SLC35F3: variants seen among roughly 807,000 people sequenced by gnomAD.
SLC35F3 encodes solute carrier family 35 member F3.
In SLC35F3, 25 loss-of-function variants were observed where a neutral mutation model predicts 49.9. The observed-to-expected ratio is 0.50, with a 90% confidence interval of 0.37 to 0.70. The LOEUF is 0.70. Ranked by LOEUF, SLC35F3 falls within the 30% of genes least tolerant of loss-of-function variation. SLC35F3 has a pLI of 0.00. For missense variants in SLC35F3, 525 were observed against 639.8 expected, an observed-to-expected ratio of 0.82 and a Z score of 1.94; for synonymous variants, 275 against 265.4, an observed-to-expected ratio of 1.04 and a Z score of -0.35.
intron 3 of SLC35F3, among the ~76,000 whole-genome samples, chr1:234,271,257 T>C (rs1192200602): frequency 1.3e-5 from 2 of 152,190 alleles, no homozygotes; most frequent in Non-Finnish European, 2.9e-5. Flanking sequence ...GGTTTATTCC[T>C]ATTGTTGTCA....
At chr1:234,263,150 G>A (rs368078900) in intron 3 of SLC35F3, among the ~76,000 whole-genome samples, 19 of 152,256 alleles carry the variant, frequency 1.2e-4, no homozygotes, top group African/African-American at 4.3e-4. Flanking sequence ...CTACCTGCAG[G>A]GGCCAAAACT....
chr1:234,224,562 G>T (rs1667258440), intron 2 of SLC35F3, among the ~76,000 whole-genome samples: 1 of 152,208 alleles, frequency 6.6e-6, no homozygotes, highest in Admixed American at 6.5e-5. Flanking sequence ...TCTGTCCTCT[G>T]CATACCTGAA....
chr1:233,922,211 C>T (rs1201108891), intron 2 of SLC35F3, among the ~76,000 whole-genome samples: 1 of 152,058 alleles, frequency 6.6e-6, no homozygotes, highest in Admixed American at 6.6e-5. Context: ...CCTTGAGGAA[C>T]CTCCACCTGT....
rs562878838 is a variant in SLC35F3 at position 234,139,677 on chromosome 1, C to T, written c.284-91740C>T. On this transcript the variant is annotated intron_variant, in intron 2 of 7. Coordinates refer to ENST00000366618, the MANE Select transcript of SLC35F3 (RefSeq NM_173508.4). ...AAAATAAGGGTGACTTGGCCCGGTG[C>T]GGTGTCTCACACCTGTAATCCCAGC... Among the ~76,000 whole-genome samples the T allele has an allele frequency of 1.9e-4, 29 of 152,104 alleles. 1 individual carries two copies. In the South Asian group the frequency reaches 3.5e-3, roughly 18 times the overall value.
chr1:233,907,525 T>G (rs1661796487), intron 2 of SLC35F3, among the ~76,000 whole-genome samples: 1 of 152,236 alleles, frequency 6.6e-6, no homozygotes, highest in South Asian at 2.1e-4. Context: ...CATTGAAATA[T>G]GAATAAAATC....
chr1:233,960,627 G>A (rs1662783771), intron 2 of SLC35F3, among the ~76,000 whole-genome samples: 1 of 152,158 alleles, frequency 6.6e-6, no homozygotes, highest in South Asian at 2.1e-4. Context: ...AACTTTTTAA[G>A]TTAGATCATT....
Position 234,092,735 on chromosome 1 carries a change from G to A in SLC35F3, c.284-138682G>A, listed in dbSNP as rs1032626379. Among the ~76,000 whole-genome samples, 5 of 152,218 alleles carry A rather than the reference G, an allele frequency of 3.3e-5. No individual in the cohort carries two copies. The East Asian group carries it at 7.7e-4, about 24-fold the overall frequency. ...TTTAAAAATTAGCTGGGCATGGTTG[G>A]TGCATGCCTATAGTCCCAGCTACTC... is the stretch of plus-strand genomic sequence containing the variant. On this transcript the variant is annotated intron_variant, in intron 2 of 7. Transcript: ENST00000366618.
At chr1:234,182,828 C>T (rs1357820101) in intron 2 of SLC35F3, among the ~76,000 whole-genome samples, 1 of 152,138 alleles carries the variant, frequency 6.6e-6, no homozygotes, top group Non-Finnish European at 1.5e-5. Flanking sequence ...TGAGATTGAG[C>T]ATATAGTGAA....
chr1:234,148,131 C>T (rs1216880916), intron 2 of SLC35F3, among the ~76,000 whole-genome samples: 1 of 152,194 alleles, frequency 6.6e-6, no homozygotes, highest in East Asian at 1.9e-4. Context: ...GTTATCCCTT[C>T]CTGTACACAC....
intron 2 of SLC35F3, among the ~76,000 whole-genome samples, chr1:234,026,698 C>A (rs960684625): frequency 2.0e-5 from 3 of 150,492 alleles, no homozygotes; most frequent in Non-Finnish European, 2.9e-5. Context: ...GCCTGGGCGA[C>A]AGAGCAAGAC....
chr1:234,030,666 C>G (rs960004460), intron 2 of SLC35F3, among the ~76,000 whole-genome samples: 1 of 152,154 alleles, frequency 6.6e-6, no homozygotes, highest in Non-Finnish European at 1.5e-5. Context: ...CATGAAATTG[C>G]TGATATTTGA....
At chr1:234,216,921 C>T (rs1667131272) in intron 2 of SLC35F3, among the ~76,000 whole-genome samples, 1 of 152,224 alleles carries the variant, frequency 6.6e-6, no homozygotes, top group Non-Finnish European at 1.5e-5. Flanking sequence ...AAAACCTGCT[C>T]TTGGTATGCC....
At chr1:234,203,405 T>C (rs1331675475) in intron 2 of SLC35F3, among the ~76,000 whole-genome samples, 1 of 152,228 alleles carries the variant, frequency 6.6e-6, no homozygotes, top group Non-Finnish European at 1.5e-5. Flanking sequence ...CCCTTTAAAC[T>C]ATTCTTAAGC....
chr1:234,129,135 G>A (rs866094504), intron 2 of SLC35F3, among the ~76,000 whole-genome samples: 1 of 152,166 alleles, frequency 6.6e-6, no homozygotes, highest in African/African-American at 2.4e-5. Context: ...AAGGCAAGTA[G>A]AAGAAGATAT....
chr1:233,953,417 T>A (rs1662641721), intron 2 of SLC35F3, among the ~76,000 whole-genome samples: 1 of 152,164 alleles, frequency 6.6e-6, no homozygotes. Context: ...CCTCTGAGAG[T>A]GAACTTAAAA....
intron 2 of SLC35F3, among the ~76,000 whole-genome samples, chr1:234,120,636 A>C (rs755190406): frequency 1.2e-4 from 19 of 152,232 alleles, no homozygotes; most frequent in Non-Finnish European, 1.3e-4. Flanking sequence ...CTGGCTTGAC[A>C]GTCGTTATCA....
chr1:233,946,139 A>G (rs1213408724), intron 2 of SLC35F3, among the ~76,000 whole-genome samples: 1 of 152,256 alleles, frequency 6.6e-6, no homozygotes, highest in Non-Finnish European at 1.5e-5. Flanking sequence ...CTGACCAGGA[A>G]GAAATACTTG....
At chr1:234,037,751 G>T (rs1449459453) in intron 2 of SLC35F3, among the ~76,000 whole-genome samples, 1 of 152,208 alleles carries the variant, frequency 6.6e-6, no homozygotes, top group Non-Finnish European at 1.5e-5. Flanking sequence ...GGTCATGCAT[G>T]TGCCTGCTAA....
rs188494069 is a variant in SLC35F3, at chr1:234,118,177, T to C, written c.284-113240T>C. Among the ~76,000 whole-genome samples the C allele has an allele frequency of 2.6e-3, 389 of 152,220 alleles. 2 individuals carry two copies. Among genetic ancestry groups the C allele is most frequent in the African/African-American group, 8.7e-3 (360 of 41,552 alleles). On this transcript the variant is annotated intron_variant, in intron 2 of 7. Coordinates refer to ENST00000366618, the MANE Select transcript of SLC35F3 (RefSeq NM_173508.4). ...AGCAATTCCAAGATACTGCTTCCTG[T>C]GTCATTTTGCAAAAACTTGAATACA...
Sources: allele counts gnomAD v4.1 joint callset (sites outside exome capture counted in the v4.1 genomes callset), GRCh38; gene constraint gnomAD v4.1.1; transcripts MANE v1.5; gene names NCBI Gene and HGNC (gene_info 2026-07-23, HGNC 2026-07-21).